IP6K3: variants seen among roughly 807,000 people sequenced by gnomAD.
IP6K3 encodes inositol hexakisphosphate kinase 3.
In IP6K3, 20 loss-of-function variants were observed where a neutral mutation model predicts 28.8. That is an observed-to-expected ratio of 0.70 (90% confidence interval 0.49 to 1.01). The LOEUF (loss-of-function observed/expected upper bound fraction) is 1.01. Among genes scored for constraint, IP6K3 ranks in the 50% least tolerant of loss-of-function variants. The pLI, the probability that IP6K3 is intolerant of heterozygous loss-of-function variation, is 0.00. For missense variants in IP6K3, 480 were observed against 537.1 expected (o/e 0.89, Z 1.05); for synonymous variants, 213 against 221.3 (o/e 0.96, Z 0.33).
intron 3 of IP6K3, 116 bp from the exon 4 acceptor site, chr6:33,727,022 C>G (rs1183251736): frequency 5.5e-6 from 6 of 1,086,572 alleles, no homozygotes; most frequent in Non-Finnish European, 7.7e-6. Context: ...CAGCTGCTCT[C>G]CAGGGCAGCC....
chr6:33,760,637 C>T, the IP6K3 span, among the ~76,000 whole-genome samples: 3 of 152,212 alleles, frequency 2.0e-5, no homozygotes, highest in Admixed American at 6.5e-5. Flanking sequence ...AAGCGATTCT[C>T]CTGCCTCAGC....
intron 2 of IP6K3, among the ~76,000 whole-genome samples, chr6:33,730,230 G>A (rs1200455391): frequency 6.6e-6 from 1 of 152,206 alleles, no homozygotes; most frequent in Non-Finnish European, 1.5e-5. Flanking sequence ...ATGCCTGCCG[G>A]GCCCTCCTGG....
At chr6:33,734,362 T>C (rs1766433088) in intron 2 of IP6K3, among the ~76,000 whole-genome samples, 1 of 152,198 alleles carries the variant, frequency 6.6e-6, no homozygotes, top group Non-Finnish European at 1.5e-5. Context: ...CAGATTGCAC[T>C]TGAGAAACAC....
the IP6K3 span, among the ~76,000 whole-genome samples, chr6:33,755,179 T>C: frequency 6.6e-6 from 1 of 152,350 alleles, no homozygotes; most frequent in African/African-American, 2.4e-5. Context: ...AGCCTAGCTG[T>C]GCCCCAACTG....
chr6:33,741,709 TG>T (rs11305865), intron 1 of IP6K3, among the ~76,000 whole-genome samples: 60,378 of 141,992 alleles, frequency 0.43, 14,825 homozygotes, highest in East Asian at 0.86. Context: ...CCCAGCACTT[TG>T]GGAGGCCAAG....
chr6:33,749,028 C>A (rs76391977), upstream of IP6K3, among the ~76,000 whole-genome samples: 5 of 152,052 alleles, frequency 3.3e-5, no homozygotes, highest in Admixed American at 3.3e-4. Context: ...GACCTCCTTT[C>A]CCCCCAGCCC....
At chr6:33,733,505 A>G (rs1297285093) in intron 2 of IP6K3, among the ~76,000 whole-genome samples, 1 of 152,264 alleles carries the variant, frequency 6.6e-6, no homozygotes, top group African/African-American at 2.4e-5. Flanking sequence ...CCCGGCATCC[A>G]TCTCAGCCCC....
chr6:33,755,711 G>C, the IP6K3 span, among the ~76,000 whole-genome samples: 1 of 152,226 alleles, frequency 6.6e-6, no homozygotes, highest in Non-Finnish European at 1.5e-5. Context: ...GCTCTGGGGA[G>C]ACATCGCCAC....
At chr6:33,747,398 T>G (rs1766945010), upstream of IP6K3, among the ~76,000 whole-genome samples, 2 of 152,040 alleles carry the variant, frequency 1.3e-5, no homozygotes, top group Admixed American at 1.3e-4. This position sits in a 1 kb window ranked among gnomAD's most constrained non-coding sequence, Gnocchi z 5.2. Context: ...AACAAGCATT[T>G]TTTGAGACCC....
intron 1 of IP6K3, among the ~76,000 whole-genome samples, chr6:33,736,041 T>C (rs559356653): frequency 2.7e-4 from 41 of 152,230 alleles, no homozygotes; most frequent in African/African-American, 7.7e-4. Context: ...TAATTTTATA[T>C]TTTTTGTAGA....
chr6:33,743,587 G>A, intron 1 of IP6K3, among the ~76,000 whole-genome samples: 1 of 152,260 alleles, frequency 6.6e-6, no homozygotes, highest in Admixed American at 6.5e-5. Flanking sequence ...TTTCCAGGGG[G>A]AAAAATGGAG....
chr6:33,738,490 G>C (rs1766607321), intron 1 of IP6K3, among the ~76,000 whole-genome samples: 1 of 152,206 alleles, frequency 6.6e-6, no homozygotes, highest in African/African-American at 2.4e-5. Context: ...TACAGCGCTT[G>C]CTGTAGCCAT....
chr6:33,732,998 G>T (rs1461036868), intron 2 of IP6K3, among the ~76,000 whole-genome samples: 2 of 152,236 alleles, frequency 1.3e-5, no homozygotes. Context: ...CAGTGGCCCT[G>T]TGTGAGTCGT....
rs1582198309 is a variant in IP6K3, at chr6:33,725,360, G to C, written c.765+81C>G. ...GTGAAGGGCTCTGCAGGGGGGCAGTGGCATCTGGATGGGAGATATCCTTGC... is the reference window on the plus strand; with the variant it reads ...GTGAAGGGCTCTGCAGGGGGGCAGTCGCATCTGGATGGGAGATATCCTTGC... On this transcript the variant is annotated intron_variant, in intron 5 of 5. Coordinates refer to ENST00000293756, the MANE Select transcript of IP6K3 (RefSeq NM_054111.5). The C allele has an allele frequency of 7.2e-6, 10 of 1,395,226 alleles. No homozygotes were observed. The East Asian group carries it at 2.5e-4, about 35-fold the overall frequency. 86.4% of individuals were successfully genotyped at this position (1,395,226 alleles called of 1,614,324 possible). A position where few individuals can be genotyped will look rare whatever the true frequency, so the allele number is the denominator to read the frequency against.
chr6:33,738,955 C>T (rs1766625313), intron 1 of IP6K3, among the ~76,000 whole-genome samples: 1 of 152,184 alleles, frequency 6.6e-6, no homozygotes, highest in East Asian at 1.9e-4. Context: ...GCAGAAACCA[C>T]CACAAGGGAT....
chr6:33,728,086 C>A lies in IP6K3; in HGVS notation c.413+1G>T. On this transcript the variant is annotated splice_donor_variant, in intron 3 of 5. Coordinates refer to ENST00000293756, the MANE Select transcript of IP6K3 (RefSeq NM_054111.5). LOFTEE classifies it high-confidence loss of function. ...TCTGTCATCCTGCCCAGTGCCCTCA[C>A]CTCTCCTTGGGTGAGCGTGCCAGCT... The A allele has an allele frequency of 6.2e-7, 1 of 1,602,728 alleles. No individual in the cohort carries two copies.
intron 2 of IP6K3, among the ~76,000 whole-genome samples, chr6:33,733,766 C>T (rs12205398): frequency 0.13 from 20,077 of 152,264 alleles, 1,775 homozygotes; most frequent in Middle Eastern, 0.22. Context: ...CCGTGTGTGA[C>T]GCTGATCGGT....
At chr6:33,752,367 C>T in the IP6K3 span, among the ~76,000 whole-genome samples, 1 of 152,338 alleles carries the variant, frequency 6.6e-6, no homozygotes, top group East Asian at 1.9e-4. Context: ...CTCAAGAGAA[C>T]AGGCTGCCAC....
intron 3 of IP6K3, 152 bp downstream of exon 3, chr6:33,727,935 G>T (rs1766177038): frequency 7.0e-7 from 1 of 1,428,666 alleles, no homozygotes; most frequent in Non-Finnish European, 9.1e-7. Context: ...CCTTTCTTTG[G>T]TCACATTGGT....
Sources: gnomAD v4.1 joint callset for allele counts (sites outside exome capture counted in the v4.1 genomes callset) on GRCh38, gnomAD v4.1.1 for gene constraint, Gnocchi (gnomAD v3.1) non-coding constraint, MANE v1.5 for transcripts, NCBI Gene and HGNC (gene_info 2026-07-23, HGNC 2026-07-21) for gene names.